The following TOPBP1 variants were observed in gnomAD, a reference collection of about 807,000 sequenced individuals.
TOPBP1 encodes the protein DNA topoisomerase 2-binding protein 1.
In TOPBP1, 28 loss-of-function variants were observed where a neutral mutation model predicts 167.7. That is an observed-to-expected ratio of 0.17 (90% CI 0.12 to 0.23). The LOEUF (loss-of-function observed/expected upper bound fraction) is 0.23, where lower values mean the gene tolerates loss of function less well. Ranked by LOEUF, TOPBP1 falls within the 10% of genes least tolerant of loss-of-function variation. The pLI is 1.00. For synonymous variants in TOPBP1, 598 were observed against 611.4 expected, an observed-to-expected ratio of 0.98 and a Z score of 0.32; for missense variants, 1,554 against 1,809.6, an observed-to-expected ratio of 0.86 and a Z score of 2.56.
chr3:133,631,386 A>G (rs756049354), intron 14 of TOPBP1, among the ~76,000 whole-genome samples: 7 of 152,182 alleles, frequency 4.6e-5, no homozygotes, highest in Non-Finnish European at 1.0e-4. Flanking sequence ...TGTTTTAACT[A>G]CTGCAACTTT....
intron 27 of TOPBP1, among the ~76,000 whole-genome samples, chr3:133,602,645 A>C (rs1482107497): frequency 2.1e-5 from 3 of 145,802 alleles, no homozygotes; most frequent in Admixed American, 2.0e-4. Flanking sequence ...AAAGGCTCAG[A>C]CAGAAACATT....
intron 21 of TOPBP1, 90 bp downstream of exon 21, chr3:133,618,123 A>G (rs1233795338): frequency 8.8e-7 from 1 of 1,142,374 alleles, no homozygotes; most frequent in Non-Finnish European, 1.3e-6. Context: ...GCACATTCAG[A>G]TCAGAGAACT....
intron 27 of TOPBP1, among the ~76,000 whole-genome samples, chr3:133,603,958 G>T (rs1576673902): frequency 6.6e-6 from 1 of 151,404 alleles, no homozygotes; most frequent in Non-Finnish European, 1.5e-5. Flanking sequence ...AACTTTAAAA[G>T]AATTAAAATT....
intron 27 of TOPBP1, among the ~76,000 whole-genome samples, chr3:133,607,067 G>A (rs765801068): frequency 2.6e-5 from 4 of 152,086 alleles, no homozygotes; most frequent in Admixed American, 2.0e-4. Context: ...CTACCGCATG[G>A]CTAAAAATCA....
chr3:133,628,147 C>A (rs1935327897), intron 16 of TOPBP1: 1 of 517,416 alleles, frequency 1.9e-6, no homozygotes, highest in Non-Finnish European at 3.4e-6. Context: ...GTTGTGCATA[C>A]CCTAAAAAAT....
At chr3:133,643,423 G>T in intron 11 of TOPBP1, 51 bp from the exon 12 acceptor site, 1 of 1,453,110 alleles carries the variant, frequency 6.9e-7, no homozygotes, top group East Asian at 2.4e-5. Flanking sequence ...AGCAACCAGT[G>T]GTTAACACTG....
intron 27 of TOPBP1, among the ~76,000 whole-genome samples, chr3:133,607,423 G>C (rs925745246): frequency 1.3e-5 from 2 of 151,808 alleles, no homozygotes; most frequent in Non-Finnish European, 2.9e-5. Flanking sequence ...ATTTTTCCTG[G>C]GTAAATAGGA....
Position 133,628,402 on chromosome 3 carries a change from C to T in TOPBP1, c.2764G>A (p.Glu922Lys). 1 of 1,608,746 alleles carries T rather than the reference C, an allele frequency of 6.2e-7. No homozygotes were observed. The highest frequency in any genetic ancestry group is 8.5e-7 in the Non-Finnish European group (1 of 1,177,320). ...AGAGAGGCTGCGATCCCATTTAGTT[C>T]ACTCTGCTTCTTACTGAGTTTTTTA... ...VSKKLSKKQS[E>K]LNGIAASLGA... The change falls in exon 16 of 28, where the codon GAA becomes AAA. Residue 922 changes from glutamate to lysine, a missense_variant. This residue lies in a region of TOPBP1 where 1,197 missense variants were observed against 1,351.5 expected (regional missense o/e 0.89). Transcript: ENST00000260810.
At position 133,657,942 on chromosome 3, in the gene TOPBP1, C is replaced by A; in HGVS notation, c.220-1G>T. ...GAGGACCAACAATTCTGCAGCCAAG[C>A]TACAAAAAAGAGAAAAGTTTAAATG... On this transcript the variant is annotated splice_acceptor_variant, in intron 3 of 27. Coordinates refer to ENST00000260810, the MANE Select transcript of TOPBP1 (RefSeq NM_007027.4). LOFTEE classifies it high-confidence loss of function. 2 of 1,541,216 alleles carry A rather than the reference C, an allele frequency of 1.3e-6. No individual in the cohort carries two copies. Among genetic ancestry groups the A allele is most frequent in the South Asian group, 1.3e-5 (1 of 79,808 alleles).
intron 14 of TOPBP1, among the ~76,000 whole-genome samples, chr3:133,635,263 T>C (rs930912597): frequency 6.6e-6 from 1 of 152,160 alleles, no homozygotes; most frequent in South Asian, 2.1e-4. Context: ...CTTGTACTTA[T>C]TTCTTTTTGA....
chr3:133,608,491 CG>C, intron 27 of TOPBP1, 43 bp downstream of exon 27: 1 of 1,600,976 alleles, frequency 6.2e-7, no homozygotes, highest in South Asian at 1.1e-5. Flanking sequence ...TGCACATAAA[CG>C]TATCTCTGGT....
At chr3:133,626,841 G>C (rs1350817637) in intron 16 of TOPBP1, among the ~76,000 whole-genome samples, 1 of 152,054 alleles carries the variant, frequency 6.6e-6, no homozygotes, top group Non-Finnish European at 1.5e-5. Context: ...AAAGTAGGTA[G>C]GTTATATTTA....
At chr3:133,632,032 C>A (rs1029960713) in intron 14 of TOPBP1, among the ~76,000 whole-genome samples, 1 of 152,110 alleles carries the variant, frequency 6.6e-6, no homozygotes, top group Non-Finnish European at 1.5e-5. Flanking sequence ...CCTTCATTTT[C>A]GACCGTGATT....
rs776826277 is a variant in TOPBP1, at chr3:133,612,546, A to G, written c.3878T>C (p.Leu1293Ser). ...YCHLIEKLGG[L>S]VIEKQCFDPT... ...ATCAAAGCACTGCTTTTCTATCACC[A>G]ATCCACCTTAAGCAGAGAAAAATGG... is the stretch of plus-strand genomic sequence containing the variant. The change falls in exon 24 of 28, where the codon TTG (leucine) becomes TCG (serine). Residue 1293 changes from leucine to serine, a missense_variant. Transcript: ENST00000260810. 1 of 1,612,530 alleles carries G rather than the reference A, an allele frequency of 6.2e-7. No individual in the cohort carries two copies. The highest frequency in any genetic ancestry group is 8.5e-7 in the Non-Finnish European group (1 of 1,179,142).
intron 27 of TOPBP1, among the ~76,000 whole-genome samples, chr3:133,607,220 C>G (rs1164388422): frequency 6.6e-6 from 1 of 151,984 alleles, no homozygotes; most frequent in African/African-American, 2.4e-5. Context: ...GCAACCGAAA[C>G]CCAGAAATCA....
intron 21 of TOPBP1, 109 bp from the exon 22 acceptor site, chr3:133,617,435 T>C: frequency 1.6e-6 from 2 of 1,284,666 alleles, no homozygotes; most frequent in Non-Finnish European, 2.0e-6. Context: ...GCACAAACTC[T>C]GGAATGTAAA....
chr3:133,636,797 G>T (rs1342075366), intron 14 of TOPBP1, among the ~76,000 whole-genome samples: 1 of 152,132 alleles, frequency 6.6e-6, no homozygotes, highest in Non-Finnish European at 1.5e-5. Flanking sequence ...GGCAGTAGGA[G>T]GCAAAGAAGA....
chr3:133,634,114 G>T (rs546080505), intron 14 of TOPBP1, among the ~76,000 whole-genome samples: 1 of 152,182 alleles, frequency 6.6e-6, no homozygotes, highest in Non-Finnish European at 1.5e-5. Context: ...AATTTGAAAA[G>T]AATCAAATTT....
chr3:133,638,978 T>C (rs750666795), intron 13 of TOPBP1, among the ~76,000 whole-genome samples: 1 of 152,152 alleles, frequency 6.6e-6, no homozygotes, highest in Non-Finnish European at 1.5e-5. Context: ...CAGAGTGTCA[T>C]GGTGAAACAA....
Sources: gnomAD v4.1 joint callset for allele counts (sites outside exome capture counted in the v4.1 genomes callset) on GRCh38, gnomAD v4.1.1 for gene constraint, gnomAD v4.1.1 regional missense constraint, MANE v1.5 for transcripts, NCBI Gene and HGNC (gene_info 2026-07-23, HGNC 2026-07-21) for gene names.